Variants in PLEKHA5 observed in about 807,000 individuals in gnomAD.
PLEKHA5 encodes the protein pleckstrin homology domain-containing family A member 5.
PLEKHA5 carries 55 observed loss-of-function variants against 181.9 expected under a neutral mutation model. The ratio of observed to expected loss-of-function variants is 0.30; its 90% confidence interval spans 0.24 to 0.38. PLEKHA5 has a LOEUF of 0.38. PLEKHA5 is among the 10% of genes least tolerant of loss of function. The pLI is 1.00. For synonymous variants in PLEKHA5, 535 were observed against 529.4 expected, an observed-to-expected ratio of 1.01 and a Z score of -0.15; for missense variants, 1,432 against 1,549.5, an observed-to-expected ratio of 0.92 and a Z score of 1.27.
chr12:19,223,056 T>C (rs137933999), intron 3 of PLEKHA5, among the ~76,000 whole-genome samples: 21 of 149,874 alleles, frequency 1.4e-4, no homozygotes, highest in African/African-American at 4.7e-4. Flanking sequence ...ACCCTCCAGA[T>C]AGCTTTGCAG....
chr12:19,147,081 C>T (rs2039106331), intron 3 of PLEKHA5: 1 of 152,156 alleles, frequency 6.6e-6, no homozygotes, highest in Admixed American at 6.5e-5. Flanking sequence ...GAATATGCCT[C>T]AATATCATTT....
At chr12:19,155,520 A>G (rs1046025408) in intron 3 of PLEKHA5, among the ~76,000 whole-genome samples, 3 of 152,180 alleles carry the variant, frequency 2.0e-5, no homozygotes, top group Non-Finnish European at 4.4e-5. Flanking sequence ...ATATAAGCCT[A>G]GGAATCATCG....
intron 15 of PLEKHA5, among the ~76,000 whole-genome samples, chr12:19,302,757 A>T (rs1279002816): frequency 6.6e-6 from 1 of 152,026 alleles, no homozygotes; most frequent in African/African-American, 2.4e-5. Flanking sequence ...ACATGTGGCT[A>T]TTTAAATTTG....
chr12:19,229,851 A>G (rs367645274), intron 3 of PLEKHA5, among the ~76,000 whole-genome samples: 1 of 152,114 alleles, frequency 6.6e-6, no homozygotes, highest in African/African-American at 2.4e-5. Context: ...TGGTGCATTT[A>G]CAATCCCTGA....
chr12:19,294,766 A>G (rs202082405), intron 15 of PLEKHA5, among the ~76,000 whole-genome samples: 1 of 152,316 alleles, frequency 6.6e-6, no homozygotes, highest in East Asian at 1.9e-4. Flanking sequence ...AATAACAAAT[A>G]AAAAATAAAA....
At chr12:19,216,662 C>CA (rs1171983389) in intron 3 of PLEKHA5, among the ~76,000 whole-genome samples, 1,682 of 96,184 alleles carry the variant, frequency 0.017, 29 homozygotes, top group African/African-American at 0.053. Context: ...GAATCCATCT[C>CA]AAAAAAAAAA....
intron 27 of PLEKHA5, 62 bp downstream of exon 27, chr12:19,358,499 A>T: frequency 1.8e-6 from 2 of 1,105,682 alleles, no homozygotes; most frequent in Non-Finnish European, 2.7e-6. Context: ...TTTTGGAATC[A>T]GAGTTACATG....
intron 7 of PLEKHA5, among the ~76,000 whole-genome samples, chr12:19,262,499 A>C (rs2068819904): frequency 6.6e-6 from 1 of 152,160 alleles, no homozygotes; most frequent in Non-Finnish European, 1.5e-5. Flanking sequence ...TCAGCCTCCC[A>C]AAGTGCTGGG....
chr12:19,303,815 CTTTTTT>C lies in PLEKHA5; in HGVS notation c.2038-10983_2038-10978del, dbSNP rs578224551. 8.2e-4 allele frequency: 88 copies of C among 107,536 alleles called. No individual in the cohort carries two copies. The South Asian group carries it at 9.8e-3, about 12-fold the overall frequency. The allele number at this position is 107,536 out of a possible 1,614,324, so 6.7% of individuals were successfully genotyped here. A position where few individuals can be genotyped will look rare whatever the true frequency, so the allele number is the denominator to read the frequency against. Reference sequence around the variant, plus strand: ...TTTTTTAAGATATCCTTTCTTTGAGCTTTTTTTTTTTTTTTTTTTTTCTTGAGACAT... The same window carrying C: ...TTTTTTAAGATATCCTTTCTTTGAGCTTTTTTTTTTTTTTTCTTGAGACAT... On this transcript the variant is annotated intron_variant, in intron 15 of 31. Transcript: ENST00000429027.
intron 3 of PLEKHA5, among the ~76,000 whole-genome samples, chr12:19,232,700 C>T (rs946807799): frequency 2.6e-5 from 4 of 152,122 alleles, no homozygotes; most frequent in Non-Finnish European, 4.4e-5. Flanking sequence ...AATCATTCAA[C>T]TCTTCCAGTT....
chr12:19,277,976 G>A (rs1307683588), intron 11 of PLEKHA5, among the ~76,000 whole-genome samples: 3 of 152,174 alleles, frequency 2.0e-5, no homozygotes, highest in Non-Finnish European at 4.4e-5. Context: ...TAAATCTGAT[G>A]TAGGAGCTTA....
Position 19,274,692 on chromosome 12 carries a change from A to G in PLEKHA5, c.1022A>G (p.Asp341Gly), listed in dbSNP as rs1423583606. The G allele has an allele frequency of 1.9e-6, 3 of 1,614,146 alleles. No individual in the cohort carries two copies. Among genetic ancestry groups the G allele is most frequent in the Non-Finnish European group, 8.5e-7 (1 of 1,179,984 alleles). Reference sequence around the variant, plus strand: ...TATGGATTTCAGAAGGATGGTCAAGATAGACCCTTAACAAAAATTAATAGT... The same window carrying G: ...TATGGATTTCAGAAGGATGGTCAAGGTAGACCCTTAACAAAAATTAATAGT... The part of the protein sequence containing the change: ...EKYGFQKDGQ[D>G]RPLTKINSVK... The change falls in exon 11 of 32, where the codon GAT becomes GGT. Residue 341 changes from aspartate to glycine, a missense_variant. Physicochemically the swap from Asp to Gly is moderately conservative, Grantham distance 94 (BLOSUM62 -1). Transcript: ENST00000429027.
chr12:19,252,771 T>C (rs1483234029), intron 3 of PLEKHA5, among the ~76,000 whole-genome samples: 3 of 152,094 alleles, frequency 2.0e-5, no homozygotes, highest in African/African-American at 7.2e-5. Context: ...TTAATCTCAT[T>C]ACATTATCTA....
At chr12:19,298,523 C>G (rs2080562747) in intron 15 of PLEKHA5, among the ~76,000 whole-genome samples, 1 of 150,728 alleles carries the variant, frequency 6.6e-6, no homozygotes, top group Non-Finnish European at 1.5e-5. Context: ...CACCCACCAC[C>G]ACGCCTGGTG....
At chr12:19,346,960 T>A (rs2094364164) in intron 23 of PLEKHA5, 34 bp from the exon 24 acceptor site, 1 of 1,410,824 alleles carries the variant, frequency 7.1e-7, no homozygotes, top group Admixed American at 2.2e-5. Context: ...TCAATCTGCT[T>A]ATCTAAATAA....
chr12:19,282,102 T>C (rs751487266), intron 11 of PLEKHA5, among the ~76,000 whole-genome samples: 2 of 152,190 alleles, frequency 1.3e-5, no homozygotes, highest in Non-Finnish European at 2.9e-5. Context: ...TTTTTAAAAA[T>C]AGTAAACTGA....
chr12:19,268,121 T>G (rs1356878055), intron 8 of PLEKHA5, among the ~76,000 whole-genome samples: 1 of 152,156 alleles, frequency 6.6e-6, no homozygotes, highest in Non-Finnish European at 1.5e-5. Context: ...TAAATTAACT[T>G]TATCAAAATA....
intron 3 of PLEKHA5, among the ~76,000 whole-genome samples, chr12:19,138,736 G>A (rs972679926): frequency 1.2e-4 from 18 of 152,064 alleles, no homozygotes; most frequent in Admixed American, 2.0e-4. Context: ...AAGACTGGGA[G>A]GATACATTCA....
intron 20 of PLEKHA5, among the ~76,000 whole-genome samples, chr12:19,328,353 G>T (rs1048811833): frequency 2.6e-5 from 4 of 152,150 alleles, no homozygotes; most frequent in Admixed American, 6.6e-5. Context: ...CTAGTTCTGT[G>T]AAAAATGATG....
Sources: gnomAD v4.1 joint callset for allele counts (sites outside exome capture counted in the v4.1 genomes callset) on GRCh38, gnomAD v4.1.1 for gene constraint, MANE v1.5 for transcripts, NCBI Gene and HGNC (gene_info 2026-07-23, HGNC 2026-07-21) for gene names.